The following CNTNAP5 variants were observed in gnomAD, a reference collection of about 807,000 sequenced individuals.
The protein encoded by CNTNAP5 is contactin associated protein family member 5, also known as contactin-associated protein-like 5.
CNTNAP5 carries 72 observed loss-of-function variants against 150.2 expected under a neutral mutation model. The ratio of observed to expected loss-of-function variants is 0.48; its 90% CI spans 0.40 to 0.58. The LOEUF (loss-of-function observed/expected upper bound fraction) is 0.58, where lower values mean the gene tolerates loss of function less well. Among genes scored for constraint, CNTNAP5 ranks in the 20% least tolerant of loss-of-function variants. CNTNAP5 has a pLI of 0.00. For synonymous variants in CNTNAP5, 672 were observed against 619.8 expected, an observed-to-expected ratio of 1.08 and a Z score of -1.25; for missense variants, 1,636 against 1,626.2, an observed-to-expected ratio of 1.01 and a Z score of -0.10.
intron 3 of CNTNAP5, among the ~76,000 whole-genome samples, chr2:124,380,180 T>C (rs1207514675): frequency 6.6e-6 from 1 of 152,186 alleles, no homozygotes; most frequent in African/African-American, 2.4e-5. Flanking sequence ...AATAGCTTAA[T>C]AGTGTATTAA....
chr2:124,756,115 C>T (rs923108749), intron 14 of CNTNAP5, among the ~76,000 whole-genome samples: 2 of 152,018 alleles, frequency 1.3e-5, no homozygotes, highest in Non-Finnish European at 2.9e-5. Context: ...CATTTTCAGC[C>T]GATCTTAAAT....
At chr2:124,100,576 G>A (rs2104695848) in intron 1 of CNTNAP5, among the ~76,000 whole-genome samples, 1 of 152,212 alleles carries the variant, frequency 6.6e-6, no homozygotes, top group Non-Finnish European at 1.5e-5. Context: ...TAAGAATAAA[G>A]TAAAGTTGGC....
At chr2:124,374,676 A>T (rs1310485004) in intron 3 of CNTNAP5, among the ~76,000 whole-genome samples, 1 of 152,154 alleles carries the variant, frequency 6.6e-6, no homozygotes, top group East Asian at 1.9e-4. Flanking sequence ...AGGACATGTC[A>T]CATAAGTCAG....
chr2:124,467,800 A>G (rs568788177), intron 6 of CNTNAP5, among the ~76,000 whole-genome samples: 1 of 152,334 alleles, frequency 6.6e-6, no homozygotes. Context: ...ATTCAAATGC[A>G]CATAAAAACG....
At chr2:124,577,411 G>A (rs920773282) in intron 11 of CNTNAP5, among the ~76,000 whole-genome samples, 4 of 152,098 alleles carry the variant, frequency 2.6e-5, no homozygotes, top group African/African-American at 7.2e-5. Flanking sequence ...TAATTTCATT[G>A]AGATATTTAT....
chr2:124,517,536 G>T (rs1036969737), intron 8 of CNTNAP5, among the ~76,000 whole-genome samples: 3 of 150,474 alleles, frequency 2.0e-5, no homozygotes, highest in Non-Finnish European at 4.4e-5. Flanking sequence ...TGGTGTTGGT[G>T]ATGGAGGGTT....
chr2:124,112,242 C>T (rs889575152), intron 1 of CNTNAP5, among the ~76,000 whole-genome samples: 3 of 152,184 alleles, frequency 2.0e-5, no homozygotes, highest in Admixed American at 2.0e-4. Flanking sequence ...ACATTGATTT[C>T]CCACTTTTGC....
rs56666743 is a variant in CNTNAP5 at position 124,486,101 on chromosome 2, A to G, written c.1062+11219A>G. The stretch of plus-strand genomic sequence containing the variant: ...GAAAAGGAAAATGTGGTATATATGA[A>G]CCATGGAATACTACTCAGCCATAAA... On this transcript the variant is annotated intron_variant, in intron 7 of 23. Coordinates refer to ENST00000682447, the MANE Select transcript of CNTNAP5 (RefSeq NM_001367498.1). Among the ~76,000 whole-genome samples, 412 of 152,324 alleles carry G rather than the reference A, an allele frequency of 2.7e-3. 4 individuals carry two copies. The highest frequency in any genetic ancestry group is 9.3e-3 in the African/African-American group (386 of 41,574).
intron 1 of CNTNAP5, among the ~76,000 whole-genome samples, chr2:124,087,418 T>G (rs551446406): frequency 6.6e-6 from 1 of 152,044 alleles, no homozygotes; most frequent in East Asian, 1.9e-4. Flanking sequence ...TAAAATTCCC[T>G]CTTTACACTT....
At chr2:124,394,371 CAA>C (rs70996062) in intron 3 of CNTNAP5, among the ~76,000 whole-genome samples, 12,118 of 106,106 alleles carry the variant, frequency 0.11, 492 homozygotes, top group African/African-American at 0.23. Context: ...GACTCTGTCT[CAA>C]AAAAAAAAAA....
chr2:124,475,788 G>A (rs1281277818), intron 7 of CNTNAP5, among the ~76,000 whole-genome samples: 1 of 152,042 alleles, frequency 6.6e-6, no homozygotes, highest in Non-Finnish European at 1.5e-5. Flanking sequence ...CATTTTTGAA[G>A]TAAGTTTCTT....
At chr2:124,851,612 G>A (rs145080841) in intron 19 of CNTNAP5, among the ~76,000 whole-genome samples, 216 of 152,254 alleles carry the variant, frequency 1.4e-3, no homozygotes, top group African/African-American at 3.8e-3. Flanking sequence ...AGTAAATGTG[G>A]GGGCGGGACT....
In CNTNAP5 at chr2:124,269,767, C is replaced by T. The variant is rs17011234; in HGVS notation, c.381+27374C>T. 2.3e-3 allele frequency among the ~76,000 whole-genome samples: 345 copies of T among 152,022 alleles called. 2 individuals are homozygous for T. Among genetic ancestry groups the T allele is most frequent in the African/African-American group, 8.1e-3 (337 of 41,466 alleles). On this transcript the variant is annotated intron_variant, in intron 3 of 23. Transcript: ENST00000682447. ...CCTTATCCTACAGCATGTGATGGAG[C>T]AAAGAAGTAAAAAATGTATGTTTTA...
At chr2:124,166,298 G>A (rs994748974) in intron 1 of CNTNAP5, among the ~76,000 whole-genome samples, 2 of 152,150 alleles carry the variant, frequency 1.3e-5, no homozygotes, top group African/African-American at 2.4e-5. Flanking sequence ...AAAGCATCAT[G>A]TGGGAGATTT....
chr2:124,196,671 G>A (rs368980951), intron 1 of CNTNAP5, among the ~76,000 whole-genome samples: 10 of 152,088 alleles, frequency 6.6e-5, no homozygotes, highest in African/African-American at 2.2e-4. Flanking sequence ...CAGTCACAAA[G>A]CATTTTAAAA....
chr2:124,845,927 CA>C (rs1683038629), intron 19 of CNTNAP5, among the ~76,000 whole-genome samples: 1 of 151,670 alleles, frequency 6.6e-6, no homozygotes, highest in Non-Finnish European at 1.5e-5. Context: ...TTTATCTTTT[CA>C]AAGAACCAGC....
intron 13 of CNTNAP5, among the ~76,000 whole-genome samples, chr2:124,746,574 G>A (rs1680607358): frequency 6.6e-6 from 1 of 152,090 alleles, no homozygotes; most frequent in African/African-American, 2.4e-5. Context: ...CAGAGGATAT[G>A]GCAACTGCAG....
At chr2:124,177,719 A>G (rs1055565211) in intron 1 of CNTNAP5, among the ~76,000 whole-genome samples, 1 of 152,184 alleles carries the variant, frequency 6.6e-6, no homozygotes, top group Non-Finnish European at 1.5e-5. Flanking sequence ...GCAGAACCTC[A>G]TAGCAAGGAG....
At chr2:124,760,415 A>T (rs1680932926) in intron 14 of CNTNAP5, among the ~76,000 whole-genome samples, 1 of 152,062 alleles carries the variant, frequency 6.6e-6, no homozygotes, top group Admixed American at 6.6e-5. Flanking sequence ...CGTTGATGAA[A>T]ATGAATGGCA....
Sources: gnomAD v4.1 joint callset for allele counts (sites outside exome capture counted in the v4.1 genomes callset) on GRCh38, gnomAD v4.1.1 for gene constraint, MANE v1.5 for transcripts, NCBI Gene and HGNC (gene_info 2026-07-23, HGNC 2026-07-21) for gene names.